The following DOCK1 variants were observed in gnomAD, a reference collection of about 807,000 sequenced individuals.
DOCK1 encodes the protein dedicator of cytokinesis 1, also known as dedicator of cytokinesis protein 1.
Under a neutral mutation model 262.7 loss-of-function variants are expected in DOCK1, and 138 were observed. That is an observed-to-expected ratio of 0.53 (90% CI 0.46 to 0.61). The LOEUF (loss-of-function observed/expected upper bound fraction) is 0.61. Among genes scored for constraint, DOCK1 ranks in the 20% least tolerant of loss-of-function variants. The pLI, the probability that DOCK1 is intolerant of heterozygous loss-of-function variation, is 0.00. For synonymous variants in DOCK1, 866 were observed against 867.4 expected (o/e 1.00, Z 0.03); for missense variants, 1,908 against 2,370.7 (o/e 0.80, Z 4.05).
At chr10:126,951,969 A>G (rs1354238753) in intron 1 of DOCK1, among the ~76,000 whole-genome samples, 1 of 150,232 alleles carries the variant, frequency 6.7e-6, no homozygotes, top group Admixed American at 6.7e-5. Flanking sequence ...CCTGCCTCGG[A>G]CTCCTGAGTA....
At chr10:127,191,652 C>T (rs2056764785) in intron 27 of DOCK1, among the ~76,000 whole-genome samples, 1 of 152,176 alleles carries the variant, frequency 6.6e-6, no homozygotes, top group South Asian at 2.1e-4. Flanking sequence ...GGTGGGGGAT[C>T]TCACATCACC....
chr10:127,167,600 G>T (rs1236145527), intron 27 of DOCK1, among the ~76,000 whole-genome samples: 1 of 152,014 alleles, frequency 6.6e-6, no homozygotes, highest in Non-Finnish European at 1.5e-5. Flanking sequence ...GAGCAGAAAG[G>T]AGCCTCTAGG....
At chr10:127,126,026 C>A (rs1207354472) in intron 26 of DOCK1, among the ~76,000 whole-genome samples, 4 of 151,524 alleles carry the variant, frequency 2.6e-5, no homozygotes. Context: ...CAGCTCTTTT[C>A]CTCCCCTCAG....
In DOCK1 at chr10:127,138,366, G is replaced by A. The variant is rs10829469; in HGVS notation, c.2847+10602G>A. Among the ~76,000 whole-genome samples, 349 of 152,258 alleles carry A rather than the reference G, an allele frequency of 2.3e-3. 2 individuals are homozygous for A. The highest frequency in any genetic ancestry group is 7.9e-3 in the African/African-American group (328 of 41,550). ...CACATGGGCCTCATGGAGTAAAACAGAAAACCAAAAGTATGAGTGGGCAGG... is the reference window on the plus strand; with the variant it reads ...CACATGGGCCTCATGGAGTAAAACAAAAAACCAAAAGTATGAGTGGGCAGG... On this transcript the variant is annotated intron_variant, in intron 27 of 51. Coordinates refer to ENST00000623213, the MANE Select transcript of DOCK1 (RefSeq NM_001290223.2).
intron 21 of DOCK1, among the ~76,000 whole-genome samples, chr10:127,052,294 G>T (rs181368557): frequency 3.3e-5 from 5 of 152,336 alleles, no homozygotes; most frequent in Admixed American, 2.6e-4. Flanking sequence ...GGAGGCCAAG[G>T]GGGGTGGATT....
At chr10:127,356,312 G>A (rs923796139) in intron 32 of DOCK1, among the ~76,000 whole-genome samples, 4 of 152,164 alleles carry the variant, frequency 2.6e-5, no homozygotes, top group Non-Finnish European at 5.9e-5. Context: ...CTGCCTCCCC[G>A]TGAGGCCTGA....
Position 126,984,485 on chromosome 10 carries a change from T to C in DOCK1, c.227+2512T>C, listed in dbSNP as rs183984183. On this transcript the variant is annotated intron_variant, in intron 4 of 51. Transcript: ENST00000623213. ...CCTTAGCCTCCCCAGTGGCTGGGAC[T>C]ACAGGCATTCACCACCATGCCCAGC... Among the ~76,000 whole-genome samples the C allele has an allele frequency of 3.4e-4, 52 of 151,960 alleles. 1 individual carries two copies. The East Asian group carries it at 7.7e-3, about 23-fold the overall frequency.
chr10:126,968,687 T>A (rs911108891), intron 1 of DOCK1, among the ~76,000 whole-genome samples: 1 of 152,132 alleles, frequency 6.6e-6, no homozygotes, highest in Non-Finnish European at 1.5e-5. Flanking sequence ...ACAGAATAGG[T>A]GTGCTGGCAG....
chr10:127,025,479 T>C (rs7923430), intron 15 of DOCK1, among the ~76,000 whole-genome samples: 122,743 of 151,342 alleles, frequency 0.81, 49,877 homozygotes, highest in South Asian at 0.89. Flanking sequence ...CGGAGTCTCA[T>C]TCTGTCACCC....
chr10:127,021,307 A>G (rs2042405203), intron 13 of DOCK1, among the ~76,000 whole-genome samples: 1 of 152,168 alleles, frequency 6.6e-6, no homozygotes, highest in Admixed American at 6.5e-5. Context: ...CTGAGATTAC[A>G]GGCACGCACT....
chr10:127,151,335 G>T (rs2133466577), intron 27 of DOCK1, among the ~76,000 whole-genome samples: 1 of 152,126 alleles, frequency 6.6e-6, no homozygotes, highest in African/African-American at 2.4e-5. Context: ...AAAGACTTTG[G>T]GAGGCAGCAG....
chr10:127,443,290 A>G (rs572066817), intron 49 of DOCK1, among the ~76,000 whole-genome samples: 2 of 152,300 alleles, frequency 1.3e-5, no homozygotes, highest in East Asian at 3.9e-4. Context: ...GTCTTCTTAG[A>G]GGAAAGAATT....
intron 27 of DOCK1, among the ~76,000 whole-genome samples, chr10:127,235,166 A>G (rs2059003216): frequency 1.3e-5 from 2 of 151,484 alleles, no homozygotes; most frequent in South Asian, 4.2e-4. Flanking sequence ...TATTTTATAC[A>G]TTATAAATGA....
At chr10:127,091,288 G>A (rs568419913) in intron 23 of DOCK1, among the ~76,000 whole-genome samples, 8 of 152,210 alleles carry the variant, frequency 5.3e-5, no homozygotes, top group African/African-American at 1.4e-4. Flanking sequence ...CAGCCTGAAC[G>A]TCTATTTTTA....
intron 23 of DOCK1, 56 bp from the exon 24 acceptor site, chr10:127,106,175 G>T: frequency 6.6e-7 from 1 of 1,526,406 alleles, no homozygotes; most frequent in Non-Finnish European, 8.9e-7. Context: ...TTACAAATTG[G>T]TATGAACACT....
chr10:127,302,744 GTGT>G (rs2061729438), intron 29 of DOCK1, among the ~76,000 whole-genome samples: 1 of 72,344 alleles, frequency 1.4e-5, no homozygotes, highest in Non-Finnish European at 2.4e-5. Flanking sequence ...AAGAGGGGGT[GTGT>G]GTGTGTGTGT....
At chr10:126,941,584 G>C (rs1020241850) in intron 1 of DOCK1, among the ~76,000 whole-genome samples, 1 of 152,134 alleles carries the variant, frequency 6.6e-6, no homozygotes. Flanking sequence ...GTGAAACCCT[G>C]TCTCTACTAA....
At chr10:127,261,948 G>T (rs1466745776) in intron 29 of DOCK1, among the ~76,000 whole-genome samples, 2 of 148,474 alleles carry the variant, frequency 1.3e-5, no homozygotes, top group Non-Finnish European at 3.0e-5. Flanking sequence ...GGGTGTGTGT[G>T]TGTGTACCCG....
At chr10:127,096,472 T>C (rs1258095933) in intron 23 of DOCK1, among the ~76,000 whole-genome samples, 1 of 152,224 alleles carries the variant, frequency 6.6e-6, no homozygotes, top group African/African-American at 2.4e-5. Context: ...AGTGGAATCA[T>C]TTTAATGTGC....
Sources: allele counts gnomAD v4.1 joint callset (sites outside exome capture counted in the v4.1 genomes callset), GRCh38; gene constraint gnomAD v4.1.1; transcripts MANE v1.5; gene names NCBI Gene and HGNC (gene_info 2026-07-23, HGNC 2026-07-21).